Variants in ALDH1A1 observed in about 807,000 individuals in gnomAD.
ALDH1A1 encodes aldehyde dehydrogenase 1 family member A1, also known as aldehyde dehydrogenase 1A1.
In ALDH1A1, 19 loss-of-function variants were observed where a neutral mutation model predicts 62.1. That is an observed-to-expected ratio of 0.31 (90% CI 0.21 to 0.45). The LOEUF is 0.45. Ranked by LOEUF, ALDH1A1 falls within the 20% of genes least tolerant of loss-of-function variation. The pLI is 1.00. For synonymous variants in ALDH1A1, 231 were observed against 215.9 expected, an observed-to-expected ratio of 1.07 and a Z score of -0.61; for missense variants, 521 against 607.1, an observed-to-expected ratio of 0.86 and a Z score of 1.49.
chr9:72,930,292 A>C (rs1243604874), intron 3 of ALDH1A1, among the ~76,000 whole-genome samples: 1 of 152,106 alleles, frequency 6.6e-6, no homozygotes, highest in Non-Finnish European at 1.5e-5. Context: ...TGATTTTGAT[A>C]AACCACATTA....
intron 1 of ALDH1A1, among the ~76,000 whole-genome samples, chr9:72,949,961 G>A (rs1830522801): frequency 6.6e-6 from 1 of 151,710 alleles, no homozygotes; most frequent in Non-Finnish European, 1.5e-5. Flanking sequence ...AAGACCCTTG[G>A]AACTTCACTC....
At chr9:72,911,892 CTT>C (rs1588132291) in intron 10 of ALDH1A1, 64 bp downstream of exon 10, 13 of 1,563,772 alleles carry the variant, frequency 8.3e-6, no homozygotes, top group Non-Finnish European at 1.1e-5. Flanking sequence ...TAAAGTGACA[CTT>C]TGTATACACA....
chr9:72,919,900 C>T (rs1428451618), intron 7 of ALDH1A1, among the ~76,000 whole-genome samples: 1 of 152,170 alleles, frequency 6.6e-6, no homozygotes, highest in African/African-American at 2.4e-5. Flanking sequence ...GGATCACTTC[C>T]CATCAAGATT....
intron 2 of ALDH1A1, among the ~76,000 whole-genome samples, chr9:72,936,429 A>G (rs2118558378): frequency 6.6e-6 from 1 of 152,284 alleles, no homozygotes; most frequent in East Asian, 1.9e-4. Flanking sequence ...GCAAACTGCA[A>G]ACAGATCTGG....
chr9:72,934,072 A>G (rs569944655), intron 2 of ALDH1A1, among the ~76,000 whole-genome samples: 1 of 152,270 alleles, frequency 6.6e-6, no homozygotes, highest in Admixed American at 6.5e-5. Context: ...CTATGATTGC[A>G]GGCATGAGCC....
At chr9:72,929,631 A>G (rs554539163) in intron 3 of ALDH1A1, among the ~76,000 whole-genome samples, 1 of 152,304 alleles carries the variant, frequency 6.6e-6, no homozygotes, top group East Asian at 1.9e-4. Flanking sequence ...CATGTGCCCT[A>G]ACCATTATAA....
At position 72,931,038 on chromosome 9, in the gene ALDH1A1, T is replaced by G. The variant is rs1313658078; in HGVS notation, c.172-19A>C. The stretch of plus-strand genomic sequence containing the variant: ...CATCCTCCTGTAAGTCAACAGGAAT[T>G]CAATTCAGTAAGCTAAACATATTAG... On this transcript the variant is annotated intron_variant, in intron 2 of 12. Transcript: ENST00000297785. The G allele has an allele frequency of 1.2e-6, 2 of 1,613,786 alleles. No individual in the cohort carries two copies. The highest frequency in any genetic ancestry group is 2.2e-5 in the South Asian group (2 of 91,056).
intron 2 of ALDH1A1, among the ~76,000 whole-genome samples, chr9:72,931,635 G>T (rs1034777947): frequency 2.6e-5 from 4 of 152,136 alleles, no homozygotes; most frequent in African/African-American, 9.7e-5. Flanking sequence ...CCTATTGAAG[G>T]GTGAATAAGA....
At position 72,906,021 on chromosome 9, in the gene ALDH1A1, T is replaced by C; in HGVS notation, c.1370A>G (p.Tyr457Cys). ...GGGGCACTGGGCACTTACCACGCCATAGCAATTCACCCTGAAGGAAAAGAA... is the reference window on the plus strand; with the variant it reads ...GGGGCACTGGGCACTTACCACGCCACAGCAATTCACCCTGAAGGAAAAGAA... ...LQAGTVWVNC[Y>C]GVVSAQCPFG... is the part of the protein sequence containing the mutation. Residue 457 changes from tyrosine (Y) to cysteine (C), a missense_variant, in exon 12 of 13, where the codon TAT (tyrosine) becomes TGT (cysteine). Transcript: ENST00000297785. 6.2e-7 allele frequency: 1 copy of C among 1,611,800 alleles called. No individual in the cohort carries two copies. The highest frequency in any genetic ancestry group is 1.1e-5 in the South Asian group (1 of 90,670).
chr9:72,919,812 T>C (rs1830114726), intron 7 of ALDH1A1, among the ~76,000 whole-genome samples: 1 of 152,242 alleles, frequency 6.6e-6, no homozygotes, highest in Non-Finnish European at 1.5e-5. Flanking sequence ...GCTGGAATCC[T>C]ACAGTTCTGG....
chr9:72,935,227 A>G (rs1830333947), intron 2 of ALDH1A1, among the ~76,000 whole-genome samples: 2 of 152,242 alleles, frequency 1.3e-5, no homozygotes, highest in East Asian at 1.9e-4. Context: ...TTAAATTTTT[A>G]TTTCAGAACT....
chr9:72,911,816 C>A, intron 10 of ALDH1A1, 142 bp downstream of exon 10: 1 of 969,736 alleles, frequency 1.0e-6, no homozygotes, highest in Admixed American at 2.7e-5. Flanking sequence ...ATAACTTAAA[C>A]CTCTATCAAG....
chr9:72,949,664 CGT>C (rs1208876244), intron 1 of ALDH1A1, among the ~76,000 whole-genome samples: 78 of 140,264 alleles, frequency 5.6e-4, no homozygotes, highest in South Asian at 1.1e-3. Flanking sequence ...TGTGTGTGTG[CGT>C]GTGTGTGTGT....
At chr9:72,943,181 T>G (rs1830437007) in intron 1 of ALDH1A1, among the ~76,000 whole-genome samples, 1 of 152,224 alleles carries the variant, frequency 6.6e-6, no homozygotes, top group South Asian at 2.1e-4. Context: ...ACAATGTAAT[T>G]TCATTAAAAA....
chr9:72,903,653 A>C (rs1829835833), intron 12 of ALDH1A1, among the ~76,000 whole-genome samples: 1 of 151,466 alleles, frequency 6.6e-6, no homozygotes, highest in South Asian at 2.1e-4. Context: ...ATTTGAAAGA[A>C]ATTATCTATA....
chr9:72,925,421 G>A (rs868244622), intron 6 of ALDH1A1, 63 bp downstream of exon 6: 28 of 1,565,674 alleles, frequency 1.8e-5, no homozygotes, highest in Middle Eastern at 1.7e-4. Flanking sequence ...AACAAATGAG[G>A]TCTTCCTATT....
chr9:72,912,008 G>C lies in ALDH1A1; in HGVS notation c.1150C>G (p.Pro384Ala). The C allele has an allele frequency of 6.2e-7, 1 of 1,613,950 alleles. No individual in the cohort carries two copies. The highest frequency in any genetic ancestry group is 1.1e-5 in the South Asian group (1 of 91,068). ...PWGNKGYFVQ[P>A]TVFSNVTDEM... ...TCTGTAACATTAGAGAACACTGTGG[G>C]CTGGACAAAGTAGCCTTTATTCCCC... The change falls in exon 10 of 13, where the codon CCC becomes GCC. Residue 384 changes from proline (P) to alanine (A), a missense_variant. Pro to Ala is a conservative substitution (Grantham distance 27). Transcript: ENST00000297785.
At chr9:72,916,898 A>G (rs1830072224) in intron 9 of ALDH1A1, 22 bp downstream of exon 9, 2 of 1,552,666 alleles carry the variant, frequency 1.3e-6, no homozygotes, top group African/African-American at 1.4e-5. Context: ...TGAAAATGCT[A>G]TCCTTTCTAT....
At chr9:72,908,583 GAAAGA>G in intron 11 of ALDH1A1, among the ~76,000 whole-genome samples, 1 of 129,100 alleles carries the variant, frequency 7.7e-6, no homozygotes, top group African/African-American at 3.0e-5. Flanking sequence ...AAGAAAGAAA[GAAAGA>G]AAGAAAGAAA....
Sources: gnomAD v4.1 joint callset for allele counts (sites outside exome capture counted in the v4.1 genomes callset) on GRCh38, gnomAD v4.1.1 for gene constraint, MANE v1.5 for transcripts, NCBI Gene and HGNC (gene_info 2026-07-23, HGNC 2026-07-21) for gene names.